AKAP13: variants seen among roughly 807,000 people sequenced by gnomAD.
The protein encoded by AKAP13 is A-kinase anchoring protein 13.
A neutral mutation model predicts 264.5 loss-of-function variants in AKAP13; 80 were observed. The ratio of observed to expected loss-of-function variants is 0.30; its 90% CI spans 0.25 to 0.36. AKAP13 has a LOEUF of 0.36. AKAP13 is among the 10% of genes least tolerant of loss of function. The probability of loss-of-function intolerance (pLI) is 1.00; values close to 1 mark genes in which losing one functional copy is unlikely to be tolerated. For missense variants in AKAP13, 3,712 were observed against 3,435.2 expected, an observed-to-expected ratio of 1.08 and a Z score of -2.01; for synonymous variants, 1,380 against 1,250.2, an observed-to-expected ratio of 1.10 and a Z score of -2.19.
intron 5 of AKAP13, among the ~76,000 whole-genome samples, chr15:85,549,145 A>AGGACTTGATGTAG (rs940502533): frequency 6.6e-6 from 1 of 152,156 alleles, no homozygotes. Flanking sequence ...TACTTGATGT[A>AGGACTTGATGTAG]GGACTTGATG....
intron 1 of AKAP13, among the ~76,000 whole-genome samples, chr15:85,382,659 ACTT>A (rs1263954568): frequency 2.6e-5 from 4 of 152,132 alleles, no homozygotes; most frequent in African/African-American, 9.7e-5. Context: ...GATTTCTCAC[ACTT>A]CTTTTGCCTT....
chr15:85,423,823 AACTT>A (rs1258839867), intron 1 of AKAP13, among the ~76,000 whole-genome samples: 4 of 152,244 alleles, frequency 2.6e-5, no homozygotes, highest in African/African-American at 9.6e-5. Context: ...TTGAAAGTCA[AACTT>A]ACTTCTGGGT....
At chr15:85,613,046 C>G (rs2080737366) in intron 8 of AKAP13, among the ~76,000 whole-genome samples, 1 of 152,094 alleles carries the variant, frequency 6.6e-6, no homozygotes, top group Non-Finnish European at 1.5e-5. Context: ...CAGTGCTGGA[C>G]TGTCTTATGT....
intron 8 of AKAP13, among the ~76,000 whole-genome samples, chr15:85,609,605 G>T (rs1466490411): frequency 6.6e-6 from 1 of 152,124 alleles, no homozygotes; most frequent in African/African-American, 2.4e-5. Context: ...CTGTCCTTTG[G>T]ATATATACCC....
chr15:85,616,126 C>T (rs1000397708), intron 8 of AKAP13, among the ~76,000 whole-genome samples: 9 of 147,106 alleles, frequency 6.1e-5, no homozygotes, highest in African/African-American at 2.5e-4. Flanking sequence ...TGAGCCCTAC[C>T]CCTATCCCCA....
chr15:85,610,194 T>C (rs1227296233), intron 8 of AKAP13, among the ~76,000 whole-genome samples: 1 of 152,252 alleles, frequency 6.6e-6, no homozygotes, highest in African/African-American at 2.4e-5. Flanking sequence ...TCAGTAAATG[T>C]CAGCATTGTT....
intron 1 of AKAP13, among the ~76,000 whole-genome samples, chr15:85,434,580 C>T (rs1671384368): frequency 6.6e-6 from 1 of 151,922 alleles, no homozygotes; most frequent in Non-Finnish European, 1.5e-5. Context: ...TGTCTGACAG[C>T]TTTGAAGAGA....
At chr15:85,406,048 C>CA in intron 1 of AKAP13, among the ~76,000 whole-genome samples, 1 of 152,270 alleles carries the variant, frequency 6.6e-6, no homozygotes, top group South Asian at 2.1e-4. Context: ...GACAGGGTCT[C>CA]ACTATGTTGC....
chr15:85,659,462 T>C (rs2083242400), intron 12 of AKAP13, among the ~76,000 whole-genome samples: 1 of 152,174 alleles, frequency 6.6e-6, no homozygotes, highest in South Asian at 2.1e-4. Flanking sequence ...TAATTCCAGA[T>C]TTTAGGCAAG....
At chr15:85,599,450 C>G (rs1006518719) in intron 8 of AKAP13, among the ~76,000 whole-genome samples, 4 of 152,158 alleles carry the variant, frequency 2.6e-5, no homozygotes, top group African/African-American at 9.7e-5. Context: ...ACTGGAGGGT[C>G]TTAAGTGATT....
intron 4 of AKAP13, among the ~76,000 whole-genome samples, chr15:85,538,454 C>A (rs532799798): frequency 1.3e-5 from 2 of 151,930 alleles, no homozygotes; most frequent in Admixed American, 1.3e-4. Flanking sequence ...TGATTCAGTT[C>A]CCACCTCCTT....
chr15:85,492,775 TG>T (rs1342121098), intron 2 of AKAP13, among the ~76,000 whole-genome samples: 2 of 152,228 alleles, frequency 1.3e-5, no homozygotes, highest in Non-Finnish European at 2.9e-5. Flanking sequence ...AATTTTATTT[TG>T]TAGCATGTTT....
At chr15:85,435,912 C>T (rs1389070530) in intron 1 of AKAP13, among the ~76,000 whole-genome samples, 41 of 142,086 alleles carry the variant, frequency 2.9e-4, no homozygotes, top group East Asian at 6.4e-4. Flanking sequence ...CATCAACTAA[C>T]GAGCAAAATC....
At chr15:85,744,349 C>A in intron 36 of AKAP13, 1 of 421,664 alleles carries the variant, frequency 2.4e-6, no homozygotes, top group East Asian at 5.6e-5. Context: ...ATTGATCTCT[C>A]CTTTCTGTGT....
intron 8 of AKAP13, among the ~76,000 whole-genome samples, chr15:85,637,184 C>T (rs2082103495): frequency 1.3e-5 from 2 of 152,164 alleles, no homozygotes; most frequent in East Asian, 1.9e-4. Flanking sequence ...ATTGTAAATA[C>T]TTTTCTTCTG....
intron 1 of AKAP13, among the ~76,000 whole-genome samples, chr15:85,466,141 A>T (rs925254197): frequency 6.0e-5 from 9 of 151,078 alleles, no homozygotes; most frequent in Non-Finnish European, 1.0e-4. Flanking sequence ...TTTGGCTGCA[A>T]AAATGTCTTC....
intron 11 of AKAP13, among the ~76,000 whole-genome samples, chr15:85,657,710 CTTTTTTTTT>C (rs11332236): frequency 6.4e-4 from 81 of 127,528 alleles, no homozygotes; most frequent in African/African-American, 2.2e-3. Context: ...GTGGTGTACT[CTTTTTTTTT>C]TTTTTTTTTT....
At position 85,580,096 on chromosome 15, in the gene AKAP13, C is replaced by G; in HGVS notation, c.2028C>G (p.Gly676=). The change falls in exon 7 of 37, where the codon GGC becomes GGG. Residue 676 remains glycine (G), a synonymous_variant. Transcript: ENST00000394518. ...ACQQNTVTSS[G]DLVAKLCDNI... The stretch of plus-strand genomic sequence containing the variant: ...AACAGAACACAGTGACTTCTAGTGG[C>G]GATTTGGTTGCAAAACTGTGTGATA... The G allele has an allele frequency of 6.2e-7, 1 of 1,614,178 alleles. No individual in the cohort carries two copies. The highest frequency in any genetic ancestry group is 2.2e-5 in the East Asian group (1 of 44,882).
At chr15:85,508,498 CG>C (rs994061033) in intron 2 of AKAP13, among the ~76,000 whole-genome samples, 6 of 151,742 alleles carry the variant, frequency 4.0e-5, no homozygotes, top group Non-Finnish European at 7.4e-5. Context: ...AGCCCTCTGA[CG>C]GGGGTGGTGG....
Sources: allele counts gnomAD v4.1 joint callset (sites outside exome capture counted in the v4.1 genomes callset), GRCh38; gene constraint gnomAD v4.1.1; transcripts MANE v1.5; gene names NCBI Gene and HGNC (gene_info 2026-07-23, HGNC 2026-07-21).